GBP6: variants seen among roughly 807,000 people sequenced by gnomAD.
The protein encoded by GBP6 is guanylate-binding protein 6.
Under a neutral mutation model 61.5 loss-of-function variants are expected in GBP6, and 54 were observed. That is an observed-to-expected ratio of 0.88 (90% confidence interval 0.71 to 1.10). The LOEUF (loss-of-function observed/expected upper bound fraction) is 1.10. Ranked by LOEUF, GBP6 falls within the 50% of genes least tolerant of loss-of-function variation. The pLI, the probability that GBP6 is intolerant of heterozygous loss-of-function variation, is 0.00. For synonymous variants in GBP6, 255 were observed against 273.7 expected, an observed-to-expected ratio of 0.93 and a Z score of 0.67; for missense variants, 748 against 752.8, an observed-to-expected ratio of 0.99 and a Z score of 0.07.
At chr1:89,383,594 C>G in intron 8 of GBP6, 58 bp from the exon 9 acceptor site, 1 of 1,227,964 alleles carries the variant, frequency 8.1e-7, no homozygotes, top group Non-Finnish European at 1.2e-6. Context: ...TCTTGCAACA[C>G]TAATACCCAG....
At chr1:89,383,964 G>T (rs1570472399) in intron 9 of GBP6, 129 bp from the exon 10 acceptor site, 1 of 982,640 alleles carries the variant, frequency 1.0e-6, no homozygotes, top group Non-Finnish European at 1.5e-6. Flanking sequence ...CGCTCTTAAT[G>T]GTGTGGACCT....
At chr1:89,369,401 A>C in intron 2 of GBP6, 145 bp from the exon 3 acceptor site, 3 of 971,254 alleles carry the variant, frequency 3.1e-6, no homozygotes, top group Admixed American at 2.9e-5. Flanking sequence ...TAGATTATTC[A>C]CAAAGTAAGC....
At position 89,382,856 on chromosome 1, in the gene GBP6, G is replaced by A; in HGVS notation, c.1345G>A (p.Val449Ile). The change falls in exon 8 of 11, where the codon GTT becomes ATT. Residue 449 changes from valine (V) to isoleucine (I), a missense_variant. By Grantham distance (29) the Val-to-Ile change is conservative (BLOSUM62 3). Transcript: ENST00000370456. ...KERIEQDYWQ[V>I]PRKGVKAKEV... The stretch of plus-strand genomic sequence containing the variant: ...AAGGATTGAACAGGACTATTGGCAA[G>A]TTCCCAGGAAAGGAGTAAAGGTAAG... 1 of 1,613,626 alleles carries A rather than the reference G, an allele frequency of 6.2e-7. No individual in the cohort carries two copies. Among genetic ancestry groups the A allele is most frequent in the African/African-American group, 1.3e-5 (1 of 75,050 alleles).
intron 2 of GBP6, 24 bp downstream of exon 2, chr1:89,368,765 G>A (rs746387132): frequency 6.3e-7 from 1 of 1,592,292 alleles, no homozygotes; most frequent in Non-Finnish European, 8.6e-7. Flanking sequence ...TGGGACACAG[G>A]CCAGTTGCTT....
chr1:89,378,389 C>T (rs1178534942), intron 4 of GBP6, 28 bp from the exon 5 acceptor site: 2 of 1,594,178 alleles, frequency 1.3e-6, no homozygotes, highest in Admixed American at 1.8e-5. Context: ...TGTGGGCAGA[C>T]AGTTGCTTTT....
chr1:89,377,833 A>G (rs1652848311), intron 3 of GBP6, among the ~76,000 whole-genome samples: 1 of 152,174 alleles, frequency 6.6e-6, no homozygotes, highest in Non-Finnish European at 1.5e-5. Flanking sequence ...CCAACTGAAA[A>G]CCAGATATTG....
At chr1:89,371,621 T>C (rs949047146) in intron 3 of GBP6, among the ~76,000 whole-genome samples, 5 of 152,198 alleles carry the variant, frequency 3.3e-5, no homozygotes, top group African/African-American at 1.2e-4. Flanking sequence ...CAGCTCTTCA[T>C]GCTAAAAACT....
At chr1:89,380,213 A>G (rs1176004906) in intron 5 of GBP6, among the ~76,000 whole-genome samples, 173 bp from the exon 6 acceptor site, 1 of 152,244 alleles carries the variant, frequency 6.6e-6, no homozygotes, top group Non-Finnish European at 1.5e-5. Context: ...AATAGCTAAC[A>G]TTATACAAAT....
chr1:89,385,417 A>C lies in GBP6; in HGVS notation c.1850A>C (p.His617Pro). Reference protein sequence around the residue: ...ILSAPAKLIGHGVKGVSSLFK... With the variant: ...ILSAPAKLIGPGVKGVSSLFK... ...TCTGCTCCTGCTAAATTAATTGGTC[A>C]TGGTGTCAAAGGTGTGAGCTCACTC... Residue 617 changes from histidine (H) to proline (P), a missense_variant, in exon 11 of 11, where the codon CAT becomes CCT. Coordinates refer to ENST00000370456, the MANE Select transcript of GBP6 (RefSeq NM_198460.3). The C allele has an allele frequency of 6.2e-7, 1 of 1,614,180 alleles. No homozygotes were observed.
chr1:89,385,643 C>T lies in GBP6; in HGVS notation c.*174C>T, dbSNP rs1037415990. On this transcript the variant is annotated 3_prime_UTR_variant, in exon 11 of 11. Coordinates refer to ENST00000370456, the MANE Select transcript of GBP6 (RefSeq NM_198460.3). ...CTGCCTCCTGGGTTCAAGAGATTCA[C>T]CTGCCTCAGCCCCCTAGTAGCTGGG... 3.4e-5 allele frequency: 20 copies of T among 585,118 alleles called. No homozygotes were observed. Among genetic ancestry groups the T allele is most frequent in the Non-Finnish European group, 4.7e-5 (16 of 340,106 alleles). 36.2% of individuals were successfully genotyped at this position (585,118 alleles called of 1,614,324 possible).
At chr1:89,384,373 A>G (rs1653077364) in intron 10 of GBP6, 87 bp downstream of exon 10, 1 of 1,047,066 alleles carries the variant, frequency 9.6e-7, no homozygotes, top group Middle Eastern at 3.2e-4. Flanking sequence ...CAACATCATG[A>G]AAGGAAGCAC....
intron 1 of GBP6, among the ~76,000 whole-genome samples, chr1:89,367,249 A>G (rs1652490096): frequency 6.6e-6 from 1 of 152,206 alleles, no homozygotes; most frequent in African/African-American, 2.4e-5. Flanking sequence ...TCATAGTGAC[A>G]GTACCAGTTT....
chr1:89,365,780 A>G (rs549217413), intron 1 of GBP6, among the ~76,000 whole-genome samples: 1 of 152,222 alleles, frequency 6.6e-6, no homozygotes, highest in Non-Finnish European at 1.5e-5. Flanking sequence ...ACAGACCCCT[A>G]TAATTAACAG....
chr1:89,368,918 T>TC (rs2100657942), intron 2 of GBP6, among the ~76,000 whole-genome samples, 177 bp downstream of exon 2: 1 of 152,298 alleles, frequency 6.6e-6, no homozygotes, highest in South Asian at 2.1e-4. Flanking sequence ...TCATATTTTT[T>TC]CCCTCATTCC....
chr1:89,369,781 G>T, intron 3 of GBP6, 108 bp downstream of exon 3: 1 of 1,350,226 alleles, frequency 7.4e-7, no homozygotes, highest in Non-Finnish European at 1.0e-6. Flanking sequence ...TAGCAAATAA[G>T]GCAAACTTTG....
At position 89,371,915 on chromosome 1, in the gene GBP6, A is replaced by C. The variant is rs377135822; in HGVS notation, c.318+2242A>C. Among the ~76,000 whole-genome samples, 86 of 152,276 alleles carry C rather than the reference A, an allele frequency of 5.6e-4. 1 individual carries two copies. The highest frequency in any genetic ancestry group is 1.8e-3 in the African/African-American group (76 of 41,560). ...GACATGATTGTATATCTAGAAAACCACATCATCTCAGCCCAAAATCTCCTT... is the reference window on the plus strand; with the variant it reads ...GACATGATTGTATATCTAGAAAACCCCATCATCTCAGCCCAAAATCTCCTT... On this transcript the variant is annotated intron_variant, in intron 3 of 10. Coordinates refer to ENST00000370456, the MANE Select transcript of GBP6 (RefSeq NM_198460.3).
Position 89,368,549 on chromosome 1 carries a change from G to T in GBP6, c.-3G>T, listed in dbSNP as rs1248523747. The T allele has an allele frequency of 6.2e-7, 1 of 1,612,818 alleles. No individual in the cohort carries two copies. The highest frequency in any genetic ancestry group is 8.5e-7 in the Non-Finnish European group (1 of 1,179,204). On this transcript the variant is annotated 5_prime_UTR_variant, in exon 2 of 11. Coordinates refer to ENST00000370456, the MANE Select transcript of GBP6 (RefSeq NM_198460.3). ...GGGAGGCTCTTCTAGGTTGGCAGTT[G>T]CCATGGAATCTGGACCCAAAATGTT...
At chr1:89,385,190 G>T in intron 10 of GBP6, 40 bp from the exon 11 acceptor site, 1 of 1,564,300 alleles carries the variant, frequency 6.4e-7, no homozygotes, top group South Asian at 1.2e-5. Flanking sequence ...AAAGAATAGG[G>T]ATTTTTAAAA....
At chr1:89,371,039 A>G (rs375729677) in intron 3 of GBP6, among the ~76,000 whole-genome samples, 16 of 152,316 alleles carry the variant, frequency 1.1e-4, no homozygotes, top group Admixed American at 5.9e-4. Context: ...CTCTGCTGCT[A>G]TGAGTTTAAC....
Sources: gnomAD v4.1 joint callset for allele counts (sites outside exome capture counted in the v4.1 genomes callset) on GRCh38, gnomAD v4.1.1 for gene constraint, MANE v1.5 for transcripts, NCBI Gene and HGNC (gene_info 2026-07-23, HGNC 2026-07-21) for gene names.